ARSG: variants seen among roughly 807,000 people sequenced by gnomAD.
ARSG encodes arylsulfatase G.
ARSG carries 37 observed loss-of-function variants against 50.5 expected under a neutral mutation model. The ratio of observed to expected loss-of-function variants is 0.73; its 90% CI spans 0.56 to 0.96. ARSG has a LOEUF of 0.96. ARSG is among the 50% of genes least tolerant of loss of function. ARSG has a pLI of 0.00. For missense variants in ARSG, 629 were observed against 675.3 expected (o/e 0.93, Z 0.76); for synonymous variants, 225 against 254.6 (o/e 0.88, Z 1.11).
intron 11 of ARSG, among the ~76,000 whole-genome samples, chr17:68,413,243 T>A (rs2082123838): frequency 6.6e-6 from 1 of 152,132 alleles, no homozygotes; most frequent in South Asian, 2.1e-4. Context: ...TTTCCCCATC[T>A]TTGTGGTTTT....
chr17:68,301,369 G>A (rs1396692963), intron 1 of ARSG, among the ~76,000 whole-genome samples: 10 of 152,154 alleles, frequency 6.6e-5, no homozygotes, highest in African/African-American at 1.7e-4. Flanking sequence ...CCTGGCTATC[G>A]TGGTAACTGG....
intron 1 of ARSG, among the ~76,000 whole-genome samples, chr17:68,262,181 A>G (rs2075082038): frequency 6.6e-6 from 1 of 151,464 alleles, no homozygotes; most frequent in Non-Finnish European, 1.5e-5. Context: ...AAAAAAAAAA[A>G]AAAGAAAGGG....
At chr17:68,314,144 C>T (rs2076977559) in intron 2 of ARSG, among the ~76,000 whole-genome samples, 1 of 152,182 alleles carries the variant, frequency 6.6e-6, no homozygotes, top group Non-Finnish European at 1.5e-5. Flanking sequence ...CCCGGGCAAA[C>T]TGCATCATCC....
chr17:68,420,605 C>A lies in ARSG; in HGVS notation c.*142C>A. The stretch of plus-strand genomic sequence containing the variant: ...TTGGAGTTAGCCTTGCATATCCCTT[C>A]TGTATCCTGTCCCTCCTCCACGCCG... On this transcript the variant is annotated 3_prime_UTR_variant, in exon 12 of 12. Transcript: ENST00000621439. 2.0e-6 allele frequency: 2 copies of A among 983,286 alleles called. No homozygotes were observed. The highest frequency in any genetic ancestry group is 3.0e-6 in the Non-Finnish European group (2 of 661,436). The allele number at this position is 983,286 out of a possible 1,614,324, so 60.9% of individuals were successfully genotyped here. A position where few individuals can be genotyped will look rare whatever the true frequency, so the allele number is the denominator to read the frequency against.
intron 8 of ARSG, 55 bp downstream of exon 8, chr17:68,370,579 G>T: frequency 6.4e-7 from 1 of 1,554,748 alleles, no homozygotes; most frequent in Non-Finnish European, 8.9e-7. Flanking sequence ...GCCCAGGCTG[G>T]GGTGTGGGAT....
intron 1 of ARSG, among the ~76,000 whole-genome samples, chr17:68,306,039 G>A (rs1555763875): frequency 1.3e-5 from 2 of 150,520 alleles, no homozygotes; most frequent in African/African-American, 4.9e-5. Context: ...TTTTGTTCTT[G>A]TTGCCCAGGC....
intron 6 of ARSG, among the ~76,000 whole-genome samples, chr17:68,361,229 G>A (rs1420779684): frequency 6.6e-6 from 1 of 152,154 alleles, no homozygotes; most frequent in African/African-American, 2.4e-5. Flanking sequence ...GCCATTAGGA[G>A]GAAATTAGGT....
At position 68,385,190 on chromosome 17, in the gene ARSG, C is replaced by T. The variant is rs754520837; in HGVS notation, c.1091+18C>T. The T allele has an allele frequency of 2.5e-6, 4 of 1,607,552 alleles. No individual in the cohort carries two copies. The highest frequency in any genetic ancestry group is 3.3e-5 in the Admixed American group (2 of 59,928). ...TTGTTAAGGTATGAGACCAAAACTACCTTGAGATGTTGGGGCCCAGAGCAA... is the reference window on the plus strand; with the variant it reads ...TTGTTAAGGTATGAGACCAAAACTATCTTGAGATGTTGGGGCCCAGAGCAA... On this transcript the variant is annotated intron_variant, in intron 9 of 11. Coordinates refer to ENST00000621439, the MANE Select transcript of ARSG (RefSeq NM_001267727.2).
chr17:68,368,464 C>T, intron 6 of ARSG, 84 bp from the exon 7 acceptor site: 2 of 1,308,404 alleles, frequency 1.5e-6, no homozygotes, highest in Non-Finnish European at 2.2e-6. Context: ...TGGGGATTTT[C>T]CTGGAGGAGA....
At chr17:68,265,574 A>T (rs1260705827) in intron 1 of ARSG, among the ~76,000 whole-genome samples, 2 of 152,148 alleles carry the variant, frequency 1.3e-5, no homozygotes, top group African/African-American at 4.8e-5. Flanking sequence ...AATTACTTTG[A>T]CCACAATGAA....
intron 5 of ARSG, among the ~76,000 whole-genome samples, chr17:68,355,234 G>T (rs1411973846): frequency 2.0e-5 from 3 of 152,196 alleles, no homozygotes; most frequent in African/African-American, 4.8e-5. Flanking sequence ...CTACGGATAA[G>T]GAGATAACTC....
chr17:68,366,389 A>G (rs1024925715), intron 6 of ARSG, among the ~76,000 whole-genome samples: 1 of 152,186 alleles, frequency 6.6e-6, no homozygotes, highest in Admixed American at 6.5e-5. Context: ...TGAAAATTAA[A>G]AAAAGCCACC....
intron 2 of ARSG, among the ~76,000 whole-genome samples, chr17:68,326,335 A>G (rs1461735862): frequency 6.6e-6 from 1 of 152,168 alleles, no homozygotes; most frequent in Non-Finnish European, 1.5e-5. Context: ...GGGAACACAA[A>G]AAGGGCCTGA....
At chr17:68,297,969 C>CTTTTTTTTTTTTT (rs56199177) in intron 1 of ARSG, among the ~76,000 whole-genome samples, 1 of 132,064 alleles carries the variant, frequency 7.6e-6, no homozygotes. Flanking sequence ...TACTGTGACT[C>CTTTTTTTTTTTTT]TTTTTTTTTT....
At chr17:68,323,009 A>G (rs1436909112) in intron 2 of ARSG, among the ~76,000 whole-genome samples, 1 of 151,800 alleles carries the variant, frequency 6.6e-6, no homozygotes, top group African/African-American at 2.4e-5. Context: ...CCCCATCTCT[A>G]CAATAATAAT....
chr17:68,273,817 G>GA (rs1237887909), intron 1 of ARSG: 7 of 1,348,936 alleles, frequency 5.2e-6, no homozygotes, highest in East Asian at 2.3e-5. Flanking sequence ...TAATGTTAAA[G>GA]AAAAAAAGAA....
At chr17:68,312,407 G>T (rs2076897601) in intron 2 of ARSG, among the ~76,000 whole-genome samples, 1 of 152,058 alleles carries the variant, frequency 6.6e-6, no homozygotes, top group South Asian at 2.1e-4. Context: ...TCTCCAAAGG[G>T]CGTGGGTTGC....
At chr17:68,406,162 T>G (rs978368359) in intron 11 of ARSG, among the ~76,000 whole-genome samples, 1 of 152,220 alleles carries the variant, frequency 6.6e-6, no homozygotes, top group African/African-American at 2.4e-5. Flanking sequence ...CATTTCTGAG[T>G]TACTTCACTT....
At chr17:68,293,900 G>A (rs1219036987) in intron 1 of ARSG, among the ~76,000 whole-genome samples, 1 of 152,152 alleles carries the variant, frequency 6.6e-6, no homozygotes, top group Non-Finnish European at 1.5e-5. Flanking sequence ...CCTAGTTAGA[G>A]GCTGGCTTCA....
Sources: gnomAD v4.1 joint callset for allele counts (sites outside exome capture counted in the v4.1 genomes callset) on GRCh38, gnomAD v4.1.1 for gene constraint, MANE v1.5 for transcripts, NCBI Gene and HGNC (gene_info 2026-07-23, HGNC 2026-07-21) for gene names.